Variants in MAP3K15 observed in about 807,000 individuals in gnomAD.
The protein encoded by MAP3K15 is MAPK/ERK kinase kinase 15.
In MAP3K15, 124 loss-of-function variants were observed where a neutral mutation model predicts 99.5. The ratio of observed to expected loss-of-function variants is 1.25; its 90% confidence interval spans 1.08 to 1.45. The LOEUF is 1.45. Ranked by LOEUF, MAP3K15 falls within the 40% of genes most tolerant of loss-of-function variation. The pLI is 0.00. For missense variants in MAP3K15, 1,242 were observed against 1,079.7 expected (o/e 1.15, Z -2.11); for synonymous variants, 494 against 439.6 (o/e 1.12, Z -1.55).
intron 6 of MAP3K15, among the ~76,000 whole-genome samples, chrX:19,447,405 A>C (rs1300833193): frequency 2.0e-3 from 226 of 111,995 alleles, no homozygotes; most frequent in Non-Finnish European, 3.6e-3. Flanking sequence ...TTGCTGAAAT[A>C]AGAGCTGTGA....
At chrX:19,405,112 T>C (rs894077076) in intron 13 of MAP3K15, among the ~76,000 whole-genome samples, 1 of 110,938 alleles carries the variant, frequency 9.0e-6, no homozygotes, top group African/African-American at 3.3e-5. Flanking sequence ...TTGCAAATCA[T>C]ATCTGATAAA....
At chrX:19,433,932 T>C (rs903658266) in intron 6 of MAP3K15, among the ~76,000 whole-genome samples, 7 of 111,147 alleles carry the variant, frequency 6.3e-5, no homozygotes, top group African/African-American at 2.3e-4. Context: ...ACAACCAGAC[T>C]ACAGAATAAC....
At chrX:19,393,540 G>T (rs1429002673) in intron 16 of MAP3K15, among the ~76,000 whole-genome samples, 1 of 109,828 alleles carries the variant, frequency 9.1e-6, no homozygotes, top group Non-Finnish European at 1.9e-5. Flanking sequence ...CTGAGGCAGA[G>T]AGAATTGCTT....
chrX:19,431,129 T>C (rs1008445293), intron 7 of MAP3K15, among the ~76,000 whole-genome samples: 7 of 111,545 alleles, frequency 6.3e-5, no homozygotes, highest in Non-Finnish European at 1.1e-4. Context: ...AACAGATCAC[T>C]GGGAAGATGA....
intron 18 of MAP3K15, among the ~76,000 whole-genome samples, chrX:19,386,798 T>C (rs765444984): frequency 1.3e-4 from 14 of 110,127 alleles, no homozygotes; most frequent in African/African-American, 4.6e-4. Context: ...GCTGAGAGAG[T>C]TGACAGAGTA....
At chrX:19,411,460 C>G (rs2063687125) in intron 11 of MAP3K15, among the ~76,000 whole-genome samples, 1 of 112,611 alleles carries the variant, frequency 8.9e-6, no homozygotes. Flanking sequence ...GAAGACACAG[C>G]AGAGAACCAC....
In MAP3K15 at chrX:19,508,604, C is replaced by T. The variant is rs1037911018; in HGVS notation, c.361+6297G>A. Among the ~76,000 whole-genome samples, 6 of 111,928 alleles carry T rather than the reference C, an allele frequency of 5.4e-5. No individual in the cohort carries two copies. The South Asian group carries it at 1.5e-3, about 28-fold the overall frequency. On this transcript the variant is annotated intron_variant, in intron 1 of 28. Coordinates refer to ENST00000338883, the MANE Select transcript of MAP3K15 (RefSeq NM_001001671.4). ...TCACAATTTTAAAAACCACAAGGAC[C>T]GGGGGTGGTGGTTCACGCCTGTAAT...
chrX:19,489,938 A>T (rs997040215), intron 1 of MAP3K15, among the ~76,000 whole-genome samples: 3 of 110,774 alleles, frequency 2.7e-5, no homozygotes, highest in African/African-American at 9.9e-5. Flanking sequence ...CGGGAGGCTA[A>T]GGCAGGAGAA....
chrX:19,470,061 A>G (rs1197208003), intron 3 of MAP3K15, among the ~76,000 whole-genome samples: 1 of 111,905 alleles, frequency 8.9e-6, no homozygotes, highest in East Asian at 2.8e-4. Flanking sequence ...GTATATACCT[A>G]AAGGATTATA....
chrX:19,426,450 G>T (rs2063830643), intron 7 of MAP3K15, 107 bp from the exon 8 acceptor site: 1 of 435,444 alleles, frequency 2.3e-6, no homozygotes. Flanking sequence ...TAAATTTGTT[G>T]TTGCCCATTC....
intron 23 of MAP3K15, 126 bp downstream of exon 23, chrX:19,371,219 T>C: frequency 1.2e-6 from 1 of 849,565 alleles, no homozygotes; most frequent in Non-Finnish European, 1.7e-6. Flanking sequence ...ACTTCATTGT[T>C]TAGGAGGAGC....
In MAP3K15 at chrX:19,465,306, G is replaced by A. The variant is rs772985594; in HGVS notation, c.526-900C>T. On this transcript the variant is annotated intron_variant, in intron 3 of 28. Coordinates refer to ENST00000338883, the MANE Select transcript of MAP3K15 (RefSeq NM_001001671.4). ...CCCAGGACATACAGAAACAGGTGAC[G>A]AGTCAATGTTGTCTTAGACAAAGCT... is the stretch of plus-strand genomic sequence containing the variant. 3.9e-4 allele frequency among the ~76,000 whole-genome samples: 44 copies of A among 111,673 alleles called. 2 individuals carry two copies. Among genetic ancestry groups the A allele is most frequent in the Non-Finnish European group, 1.7e-4 (9 of 53,184 alleles).
chrX:19,418,511 A>G (rs1353919082), intron 9 of MAP3K15, among the ~76,000 whole-genome samples: 1 of 111,710 alleles, frequency 9.0e-6, no homozygotes, highest in Non-Finnish European at 1.9e-5. Context: ...ATAAACGAAC[A>G]AAGCCACCAA....
chrX:19,400,555 T>G (rs780400422), intron 14 of MAP3K15, 21 bp downstream of exon 14: 2 of 1,103,160 alleles, frequency 1.8e-6, no homozygotes, highest in Admixed American at 4.7e-5. Context: ...TTTTCCATAT[T>G]CTAGATCGTC....
chrX:19,487,306 T>G (rs1463485323), intron 2 of MAP3K15, among the ~76,000 whole-genome samples: 2 of 111,695 alleles, frequency 1.8e-5, no homozygotes, highest in African/African-American at 6.5e-5. Context: ...TATTAAAAAT[T>G]AAAACATCTA....
At chrX:19,440,503 T>C (rs1367266198) in intron 6 of MAP3K15, among the ~76,000 whole-genome samples, 1 of 112,425 alleles carries the variant, frequency 8.9e-6, no homozygotes, top group Non-Finnish European at 1.9e-5. Context: ...TTTTCTACTC[T>C]ACAAATAGGA....
At position 19,515,272 on chromosome X, in the gene MAP3K15, G is replaced by A; in HGVS notation, c.-11C>T. 2.3e-6 allele frequency: 2 copies of A among 884,722 alleles called. No individual in the cohort carries two copies. The highest frequency in any genetic ancestry group is 2.8e-6 in the Non-Finnish European group (2 of 721,244). 72.9% of individuals were successfully genotyped at this position (884,722 alleles called of 1,213,427 possible). A position where few individuals can be genotyped will look rare whatever the true frequency, so the allele number is the denominator to read the frequency against. ...ACCGCCGCTCTCCATGTGCCCGCCT[G>A]CGCGCCCTTCCCCTGGGCGAGTGGC... On this transcript the variant is annotated 5_prime_UTR_variant, in exon 1 of 29. Coordinates refer to ENST00000338883, the MANE Select transcript of MAP3K15 (RefSeq NM_001001671.4).
intron 7 of MAP3K15, among the ~76,000 whole-genome samples, chrX:19,430,152 A>G (rs1259043130): frequency 2.7e-5 from 3 of 112,086 alleles, no homozygotes; most frequent in Admixed American, 1.9e-4. Flanking sequence ...ACCCTTTTGA[A>G]TGTGGGCGGA....
intron 11 of MAP3K15, among the ~76,000 whole-genome samples, chrX:19,411,943 A>C (rs2147275294): frequency 8.9e-6 from 1 of 112,049 alleles, no homozygotes; most frequent in East Asian, 2.8e-4. Flanking sequence ...TTCTCATAAG[A>C]GGGTAGGAGA....
Sources: allele counts gnomAD v4.1 joint callset (sites outside exome capture counted in the v4.1 genomes callset), GRCh38; gene constraint gnomAD v4.1.1; transcripts MANE v1.5; gene names NCBI Gene and HGNC (gene_info 2026-07-23, HGNC 2026-07-21).